SNX5: variants seen among roughly 807,000 people sequenced by gnomAD.
The protein encoded by SNX5 is sorting nexin 5, also known as sorting nexin-5.
Under a neutral mutation model 53.9 loss-of-function variants are expected in SNX5, and 31 were observed. That is an observed-to-expected ratio of 0.58 (90% CI 0.43 to 0.78). SNX5 has a LOEUF of 0.78. SNX5 is among the 30% of genes least tolerant of loss of function. The pLI, the probability that SNX5 is intolerant of heterozygous loss-of-function variation, is 0.00. For synonymous variants in SNX5, 168 were observed against 171.1 expected (o/e 0.98, Z 0.14); for missense variants, 471 against 478.8 (o/e 0.98, Z 0.15).
chr20:17,948,872 G>A lies in SNX5; in HGVS notation c.918+18C>T. The A allele has an allele frequency of 1.2e-6, 2 of 1,604,582 alleles. No homozygotes were observed. The highest frequency in any genetic ancestry group is 1.1e-5 in the South Asian group (1 of 90,814). ...TGGTCCTGCACTGCTCTGAGAAGCT[G>A]AGCAACTCTCTTCCTACCTTAGCAG... On this transcript the variant is annotated intron_variant, in intron 10 of 12. Coordinates refer to ENST00000377759, the MANE Select transcript of SNX5 (RefSeq NM_014426.4).
intron 1 of SNX5, among the ~76,000 whole-genome samples, chr20:17,960,349 AC>A (rs2035426925): frequency 6.6e-6 from 1 of 151,908 alleles, no homozygotes; most frequent in South Asian, 2.1e-4. Flanking sequence ...TAATCCCAGC[AC>A]TTTGGGAGGT....
intron 1 of SNX5, among the ~76,000 whole-genome samples, chr20:17,966,349 C>T (rs978630023): frequency 2.0e-5 from 3 of 150,668 alleles, no homozygotes; most frequent in African/African-American, 4.9e-5. Context: ...CGAGCCATTG[C>T]GCTCCAGCCT....
In SNX5 at chr20:17,949,114, A is replaced by G; in HGVS notation, c.792-11T>C. The G allele has an allele frequency of 6.2e-7, 1 of 1,612,444 alleles. No individual in the cohort carries two copies. The highest frequency in any genetic ancestry group is 8.5e-7 in the Non-Finnish European group (1 of 1,179,194). ...ACCTTCAATAGGTACCTGGAAATGT[A>G]CATATAATTTTGGTTTAAGGTCTTA... On this transcript the variant is annotated splice_polypyrimidine_tract_variant and intron_variant, in intron 8 of 12. Coordinates refer to ENST00000377759, the MANE Select transcript of SNX5 (RefSeq NM_014426.4).
chr20:17,950,422 A>G (rs1391731456), intron 6 of SNX5, 26 bp from the exon 7 acceptor site: 2 of 1,334,812 alleles, frequency 1.5e-6, no homozygotes, highest in Admixed American at 1.8e-5. Context: ...AAAGAACCAG[A>G]CATTTCATGA....
chr20:17,947,218 T>C (rs992902126), intron 11 of SNX5: 3 of 396,762 alleles, frequency 7.6e-6, no homozygotes, highest in South Asian at 3.2e-5. Context: ...TCTTCAGTCT[T>C]AGGAAATAAA....
At chr20:17,965,670 C>CAA (rs74179147) in intron 1 of SNX5, among the ~76,000 whole-genome samples, 5,823 of 96,812 alleles carry the variant, frequency 0.06, 528 homozygotes, top group African/African-American at 0.19. Flanking sequence ...GACCCTGTCT[C>CAA]AAAAAAAAAA....
In SNX5 at chr20:17,947,646, C is replaced by G; in HGVS notation, c.919-1G>C. On this transcript the variant is annotated splice_acceptor_variant, in intron 10 of 12. Transcript: ENST00000377759. LOFTEE classifies it high-confidence loss of function. ...CTTTGGTGCGTCTGTATAAGAGATC[C>G]TGGGAAAAAAATTAACAGGTATACA... The G allele has an allele frequency of 1.2e-6, 2 of 1,604,420 alleles. No homozygotes were observed. Among genetic ancestry groups the G allele is most frequent in the Non-Finnish European group, 1.7e-6 (2 of 1,177,016 alleles).
intron 1 of SNX5, among the ~76,000 whole-genome samples, chr20:17,960,345 C>T (rs532039645): frequency 6.6e-6 from 1 of 152,222 alleles, no homozygotes; most frequent in Admixed American, 6.5e-5. Context: ...CCTGTAATCC[C>T]AGCACTTTGG....
chr20:17,963,477 A>G (rs1415854612), intron 1 of SNX5, among the ~76,000 whole-genome samples: 2 of 152,194 alleles, frequency 1.3e-5, no homozygotes, highest in African/African-American at 4.8e-5. Flanking sequence ...TGTCTCAAAA[A>G]GTAAAAAACA....
At position 17,954,147 on chromosome 20, in the gene SNX5, C is replaced by CT. The variant is rs200601304; in HGVS notation, c.268-31dup. 12,717 of 1,610,930 alleles carry CT rather than the reference C, an allele frequency of 7.9e-3. 72 individuals carry two copies. The highest frequency in any genetic ancestry group is 0.012 in the Middle Eastern group (75 of 6,032). ...AGCAGAGGCAGGAACTCATGAGCCT[C>CT]TTGTCCCAGCAGCGATGTTTTCTAG... On this transcript the variant is annotated intron_variant, in intron 3 of 12. Transcript: ENST00000377759.
At chr20:17,963,649 T>TC (rs996386786) in intron 1 of SNX5, among the ~76,000 whole-genome samples, 11 of 152,150 alleles carry the variant, frequency 7.2e-5, no homozygotes, top group Non-Finnish European at 1.5e-4. Context: ...CAAGCCCTCT[T>TC]CAACAAAGCT....
intron 1 of SNX5, chr20:17,962,872 A>C (rs982515740): frequency 1.9e-6 from 1 of 517,820 alleles, no homozygotes; most frequent in South Asian, 1.4e-5. Flanking sequence ...TCAAGTTCCT[A>C]GAACAGGAAC....
At chr20:17,951,400 A>G in intron 6 of SNX5, 100 bp downstream of exon 6, 1 of 737,716 alleles carries the variant, frequency 1.4e-6, no homozygotes, top group South Asian at 1.6e-5. Context: ...ATGTCTTAAA[A>G]GTTAACCATT....
chr20:17,943,472 G>A, intron 11 of SNX5: 1 of 388,720 alleles, frequency 2.6e-6, no homozygotes, highest in Admixed American at 4.2e-5. Context: ...ACGTTGATGA[G>A]CAGCCTCACT....
At chr20:17,956,673 C>CAAAAAAAAAAAAAAAAAAAA (rs59252584) in intron 2 of SNX5, among the ~76,000 whole-genome samples, 5 of 84,878 alleles carry the variant, frequency 5.9e-5, no homozygotes, top group Non-Finnish European at 1.1e-4. Flanking sequence ...AGACTGTCTC[C>CAAAAAAAAAAAAAAAAAAAA]AAAAAAAAAA....
chr20:17,947,617 A>T lies in SNX5; in HGVS notation c.947T>A (p.Leu316His), dbSNP rs1415935246. 1 of 1,613,828 alleles carries T rather than the reference A, an allele frequency of 6.2e-7. No homozygotes were observed. Residue 316 changes from leucine to histidine, a missense_variant, in exon 11 of 13, where the codon CTC (leucine) becomes CAC (histidine). Physicochemically the swap from Leu to His is moderately conservative, Grantham distance 99 (BLOSUM62 -3). Transcript: ENST00000377759. Reference protein sequence around the residue: ...KDLLYRRTKALIDYENSNKAL... With the variant: ...KDLLYRRTKAHIDYENSNKAL... Reference sequence around the variant, plus strand: ...TTTGTTTGAGTTCTCATAGTCAATGAGGGCTTTGGTGCGTCTGTATAAGAG... The same window carrying T: ...TTTGTTTGAGTTCTCATAGTCAATGTGGGCTTTGGTGCGTCTGTATAAGAG...
chr20:17,960,551 G>A (rs181646954), intron 1 of SNX5, among the ~76,000 whole-genome samples: 35 of 151,184 alleles, frequency 2.3e-4, no homozygotes, highest in African/African-American at 7.5e-4. Flanking sequence ...CCGACATCAC[G>A]CGACTGCACT....
In SNX5 at chr20:17,952,625, C is replaced by G. The variant is rs1377629220; in HGVS notation, c.475G>C (p.Asp159His). The G allele has an allele frequency of 1.2e-6, 2 of 1,613,932 alleles. No homozygotes were observed. Among genetic ancestry groups the G allele is most frequent in the Non-Finnish European group, 1.7e-6 (2 of 1,180,006 alleles). Residue 159 changes from aspartate to histidine, a missense_variant, in exon 5 of 13, where the codon GAT becomes CAT. By Grantham distance (81) the Asp-to-His change is moderately conservative. Transcript: ENST00000377759. ...RLSSHPVLSK[D>H]RNFHVFLEYD... ...TCCAGGAAAACATGAAAGTTGCGAT[C>G]TTTACTGAGAACAGGGTGAGAAGAA...
chr20:17,956,667 T>G (rs2035360115), intron 2 of SNX5, among the ~76,000 whole-genome samples: 1 of 98,274 alleles, frequency 1.0e-5, no homozygotes, highest in African/African-American at 4.4e-5. Flanking sequence ...ACAATGAGAC[T>G]GTCTCCAAAA....
Sources: gnomAD v4.1 joint callset for allele counts (sites outside exome capture counted in the v4.1 genomes callset) on GRCh38, gnomAD v4.1.1 for gene constraint, MANE v1.5 for transcripts, NCBI Gene and HGNC (gene_info 2026-07-23, HGNC 2026-07-21) for gene names.